DMD: variants seen among roughly 807,000 people sequenced by gnomAD.
DMD encodes the protein dystrophin, also known as mutant dystrophin.
DMD carries 63 observed loss-of-function variants against 330.1 expected under a neutral mutation model. The ratio of observed to expected loss-of-function variants is 0.19; its 90% CI spans 0.16 to 0.24. The LOEUF is 0.24. DMD is among the 10% of genes least tolerant of loss of function. DMD has a pLI of 1.00. For missense variants in DMD, 3,344 were observed against 2,684.1 expected (o/e 1.25, Z -5.43); for synonymous variants, 1,223 against 959.8 (o/e 1.27, Z -5.07).
At chrX:32,921,306 G>T (rs2088370857) in intron 2 of DMD, among the ~76,000 whole-genome samples, 1 of 111,570 alleles carries the variant, frequency 9.0e-6, no homozygotes, top group Admixed American at 9.6e-5. Context: ...ATTATAACTT[G>T]CAAAGAAAAC....
intron 2 of DMD, among the ~76,000 whole-genome samples, chrX:32,989,747 T>C (rs923367229): frequency 9.0e-6 from 1 of 111,437 alleles, no homozygotes; most frequent in African/African-American, 3.3e-5. Flanking sequence ...ACTTAAATTT[T>C]TGCCTGTATA....
intron 47 of DMD, among the ~76,000 whole-genome samples, chrX:31,881,349 G>A (rs1264090104): frequency 2.8e-5 from 3 of 106,962 alleles, no homozygotes; most frequent in Admixed American, 1.0e-4. Context: ...TCAGGAGATC[G>A]GGACCATCCT....
intron 1 of DMD, among the ~76,000 whole-genome samples, chrX:33,089,057 T>C (rs2095049258): frequency 1.0e-5 from 1 of 99,596 alleles, no homozygotes; most frequent in African/African-American, 4.0e-5. Flanking sequence ...CTATTGCTAC[T>C]CAATTCATTT....
rs187337203 is a variant in DMD at position 32,430,064 on chromosome X, C to T, written c.4071+8177G>A. 2.5e-3 allele frequency among the ~76,000 whole-genome samples: 273 copies of T among 111,004 alleles called. 1 individual carries two copies. The highest frequency in any genetic ancestry group is 8.0e-3 in the East Asian group (28 of 3,506). On this transcript the variant is annotated intron_variant, in intron 29 of 78. Transcript: ENST00000357033. ...TCTAATTTCCTCTTACTCTGAAGAA[C>T]TAATTTTGTTGAGTTCAGAATTCTA... is the stretch of plus-strand genomic sequence containing the variant.
In DMD at chrX:32,077,127, G is replaced by T. The variant is rs754748243; in HGVS notation, c.6439-108613C>A. 2.0e-4 allele frequency among the ~76,000 whole-genome samples: 22 copies of T among 111,128 alleles called. No individual in the cohort carries two copies. The Admixed American group carries it at 2.1e-3, about 11-fold the overall frequency. On this transcript the variant is annotated intron_variant, in intron 44 of 78. Transcript: ENST00000357033. ...ATTAATCTATGGTATTAGAAATCAC[G>T]ATAATGCTTATCCATGGGGGTAGCA... is the stretch of plus-strand genomic sequence containing the variant.
chrX:31,910,666 T>C (rs1221935963), intron 47 of DMD, among the ~76,000 whole-genome samples: 2 of 112,120 alleles, frequency 1.8e-5, no homozygotes, highest in Non-Finnish European at 3.8e-5. Context: ...GGATCTTGTT[T>C]GGAGATGACA....
At chrX:31,648,476 G>A (rs1235871665) in intron 54 of DMD, among the ~76,000 whole-genome samples, 2 of 107,514 alleles carry the variant, frequency 1.9e-5, no homozygotes, top group Non-Finnish European at 3.8e-5. Flanking sequence ...TGGGAAGTAG[G>A]TAGCAGTAGC....
chrX:31,832,251 A>G lies in DMD; in HGVS notation c.7200+4467T>C, dbSNP rs146954308. 5.3e-3 allele frequency among the ~76,000 whole-genome samples: 594 copies of G among 112,358 alleles called. 2 individuals are homozygous for G. Among genetic ancestry groups the G allele is most frequent in the Middle Eastern group, 9.2e-3 (2 of 218 alleles). On this transcript the variant is annotated intron_variant, in intron 49 of 78. Transcript: ENST00000357033. ...CCAATGAAATACCATTTGACCTGCT[A>G]TACCGTGGATAAATCTTGAGATGCA...
chrX:32,727,294 T>C (rs891059336), intron 7 of DMD, among the ~76,000 whole-genome samples: 2 of 111,004 alleles, frequency 1.8e-5, no homozygotes, highest in African/African-American at 6.5e-5. Context: ...TCTCATTTGC[T>C]CCTCAAAAAA....
chrX:32,581,697 G>C (rs1224643093), intron 13 of DMD, among the ~76,000 whole-genome samples: 2 of 111,658 alleles, frequency 1.8e-5, no homozygotes, highest in East Asian at 5.6e-4. Flanking sequence ...GCAAATTCCA[G>C]TTATGAAGCC....
chrX:32,155,184 C>G (rs760691581), intron 44 of DMD, among the ~76,000 whole-genome samples: 32 of 110,393 alleles, frequency 2.9e-4, no homozygotes, highest in African/African-American at 9.2e-4. Context: ...CTAGCTATTA[C>G]AATACCACTT....
intron 55 of DMD, among the ~76,000 whole-genome samples, chrX:31,512,498 A>G (rs1478088467): frequency 4.0e-5 from 4 of 100,208 alleles, no homozygotes; most frequent in Non-Finnish European, 8.1e-5. Flanking sequence ...ATCCATCTTG[A>G]ATTGATTTTT....
intron 1 of DMD, among the ~76,000 whole-genome samples, chrX:33,273,869 C>G (rs1290789379): frequency 8.9e-6 from 1 of 112,270 alleles, no homozygotes. Context: ...TACTTACTAA[C>G]TTCAACAAAA....
At position 31,710,376 on chromosome X, in the gene DMD, G is replaced by A. The variant is rs948961509; in HGVS notation, c.7660+19255C>T. ...GCAGGGAATCTAAAAGGAAGCCAGG[G>A]AGCAAACATGTGCTATTATGTTTTT... On this transcript the variant is annotated intron_variant, in intron 52 of 78. Coordinates refer to ENST00000357033, the MANE Select transcript of DMD (RefSeq NM_004006.3). Among the ~76,000 whole-genome samples the A allele has an allele frequency of 7.2e-5, 8 of 111,451 alleles. No homozygotes were observed. In the Admixed American group the frequency reaches 7.6e-4, roughly 11 times the overall value.
chrX:32,452,225 G>A (rs1048083351), intron 26 of DMD, among the ~76,000 whole-genome samples: 1 of 103,715 alleles, frequency 9.6e-6, no homozygotes, highest in Non-Finnish European at 2.0e-5. Context: ...AATAGACGCA[G>A]TGAGAAAGGA....
At chrX:32,435,211 G>GATACAT (rs375399539) in intron 29 of DMD, among the ~76,000 whole-genome samples, 2 of 94,707 alleles carry the variant, frequency 2.1e-5, no homozygotes, top group Non-Finnish European at 4.2e-5. Context: ...CCCTCAGTGG[G>GATACAT]ATATATATAT....
chrX:32,304,395 T>A (rs2097533487), intron 42 of DMD, among the ~76,000 whole-genome samples: 1 of 110,849 alleles, frequency 9.0e-6, no homozygotes, highest in African/African-American at 3.3e-5. Context: ...AGCATAATAG[T>A]CAAGGTAGGA....
At position 32,150,416 on chromosome X, in the gene DMD, C is replaced by T. The variant is rs546040342; in HGVS notation, c.6438+66500G>A. On this transcript the variant is annotated intron_variant, in intron 44 of 78. Coordinates refer to ENST00000357033, the MANE Select transcript of DMD (RefSeq NM_004006.3). ...CAATCATTTTTCCTATTGCAGTTGC[C>T]GGTGCCGCTGGTGGTGGCATACCTA... 2.7e-3 allele frequency among the ~76,000 whole-genome samples: 301 copies of T among 111,501 alleles called. 1 individual carries two copies. The highest frequency in any genetic ancestry group is 9.2e-3 in the African/African-American group (283 of 30,669).
At chrX:31,482,927 A>T (rs1371968012) in intron 57 of DMD, among the ~76,000 whole-genome samples, 1 of 110,747 alleles carries the variant, frequency 9.0e-6, no homozygotes, top group Non-Finnish European at 1.9e-5. Context: ...TTTCAGGAAA[A>T]TTGGACAGTC....
Sources: allele counts gnomAD v4.1 joint callset (sites outside exome capture counted in the v4.1 genomes callset), GRCh38; gene constraint gnomAD v4.1.1; transcripts MANE v1.5; gene names NCBI Gene and HGNC (gene_info 2026-07-23, HGNC 2026-07-21).